Variants in PUDP observed in about 807,000 individuals in gnomAD.
PUDP encodes pseudouridine 5'-phosphatase.
Under a neutral mutation model 9.4 loss-of-function variants are expected in PUDP, and 8 were observed. The observed-to-expected ratio is 0.85, with a 90% CI of 0.50 to 1.53. The LOEUF is 1.53. Among genes scored for constraint, PUDP ranks in the 40% most tolerant of loss-of-function variants. The probability of loss-of-function intolerance (pLI) is 0.00; values close to 1 mark genes in which losing one functional copy is unlikely to be tolerated. For missense variants in PUDP, 188 were observed against 189.7 expected (o/e 0.99, Z 0.05); for synonymous variants, 99 against 80.7 (o/e 1.23, Z -1.22).
chrX:6,796,722 G>C (rs1925849420), intron 3 of PUDP, among the ~76,000 whole-genome samples: 1 of 112,055 alleles, frequency 8.9e-6, no homozygotes, highest in South Asian at 3.7e-4. Flanking sequence ...GAGAAAGAGT[G>C]AGAAACAGAG....
chrX:7,085,832 C>T (rs1931246715), intron 2 of PUDP, among the ~76,000 whole-genome samples: 2 of 111,608 alleles, frequency 1.8e-5, no homozygotes, highest in African/African-American at 3.3e-5. Context: ...ACAAGGCCCC[C>T]ACACTGGCCT....
At chrX:6,922,136 G>C (rs1004102740) in intron 3 of PUDP, among the ~76,000 whole-genome samples, 1 of 110,636 alleles carries the variant, frequency 9.0e-6, no homozygotes, top group Admixed American at 9.7e-5. Flanking sequence ...GGGCAAGTGG[G>C]GATGGTTAAT....
chrX:6,835,804 C>T (rs1367708390), intron 3 of PUDP, among the ~76,000 whole-genome samples: 2 of 111,179 alleles, frequency 1.8e-5, no homozygotes, highest in Non-Finnish European at 3.8e-5. Flanking sequence ...ACTTCACCTC[C>T]CGAGTTCATG....
intron 3 of PUDP, among the ~76,000 whole-genome samples, chrX:7,076,338 C>A (rs1930900807): frequency 9.0e-6 from 1 of 111,597 alleles, no homozygotes; most frequent in African/African-American, 3.3e-5. Context: ...TGCAGGAACC[C>A]AGGGGAAGCA....
At chrX:6,956,240 G>A (rs921218283) in intron 3 of PUDP, among the ~76,000 whole-genome samples, 4 of 110,924 alleles carry the variant, frequency 3.6e-5, no homozygotes, top group East Asian at 2.8e-4. Flanking sequence ...TAGTAGAGAC[G>A]GGGTTTCACT....
intron 2 of PUDP, among the ~76,000 whole-genome samples, chrX:7,090,267 A>G (rs1016461105): frequency 7.2e-5 from 8 of 111,252 alleles, no homozygotes; most frequent in African/African-American, 2.3e-4. Context: ...ATAAGGGTTT[A>G]TTAATGTTTA....
At chrX:6,876,644 T>TGTGTGTGG (rs1927260187) in intron 3 of PUDP, among the ~76,000 whole-genome samples, 1 of 91,133 alleles carries the variant, frequency 1.1e-5, no homozygotes, top group East Asian at 3.1e-4. Flanking sequence ...ATGTTATGTG[T>TGTGTGTGG]GTGTGTGTGT....
chrX:6,969,207 G>A (rs1038427570), intron 3 of PUDP, among the ~76,000 whole-genome samples: 17 of 112,190 alleles, frequency 1.5e-4, no homozygotes, highest in African/African-American at 5.5e-4. Flanking sequence ...GACAAACCTT[G>A]CTACCCACAT....
chrX:7,017,972 T>A (rs1366387375), intron 1 of PUDP, among the ~76,000 whole-genome samples: 1 of 111,560 alleles, frequency 9.0e-6, no homozygotes, highest in African/African-American at 3.3e-5. Context: ...AAAACCAAGA[T>A]GGCCACAAGA....
In PUDP at chrX:7,032,952, A is replaced by G. The variant is rs773228471; in HGVS notation, c.204+44268T>C. On this transcript the variant is annotated intron_variant and NMD_transcript_variant, in intron 1 of 3. Coordinates refer to the PUDP transcript ENST00000655425. ...TGCTCCTGGGTGTGTCTATGAGGGTATTGTCAAAGGAGATTAATATTTGAG... is the reference window on the plus strand; with the variant it reads ...TGCTCCTGGGTGTGTCTATGAGGGTGTTGTCAAAGGAGATTAATATTTGAG... 2.7e-5 allele frequency among the ~76,000 whole-genome samples: 3 copies of G among 111,882 alleles called. No homozygotes were observed. In the South Asian group the frequency reaches 1.1e-3, roughly 42 times the overall value.
At chrX:7,067,786 T>C (rs762406258) in intron 3 of PUDP, among the ~76,000 whole-genome samples, 4 of 111,151 alleles carry the variant, frequency 3.6e-5, no homozygotes, top group Non-Finnish European at 7.6e-5. Flanking sequence ...TCATCTTGAA[T>C]TGTAGCTCCC....
chrX:6,902,346 C>G lies in PUDP; in HGVS notation c.*247+74787G>C, dbSNP rs1422343765. ...AGGCTTGACCTTGGCACTATTAACA[C>G]TTTGGGCTGGGCAATTCCTGGTGGA... On this transcript the variant is annotated intron_variant and NMD_transcript_variant, in intron 3 of 3. Coordinates refer to the PUDP transcript ENST00000655425. Among the ~76,000 whole-genome samples, 4 of 112,063 alleles carry G rather than the reference C, an allele frequency of 3.6e-5. No homozygotes were observed. In the Admixed American group the frequency reaches 3.8e-4, roughly 11 times the overall value.
intron 1 of PUDP, among the ~76,000 whole-genome samples, chrX:6,991,668 C>A (rs1300182046): frequency 2.1e-5 from 2 of 93,530 alleles, no homozygotes; most frequent in East Asian, 3.3e-4. Flanking sequence ...GAGAGTAAGA[C>A]CTTGTCTCAA....
chrX:7,105,489 G>C lies in PUDP; in HGVS notation c.280+131C>G, dbSNP rs191567069. ...AGCCAAACTCTTTCAGGAGCACCAG[G>C]AGGGACTTAGTTTAGATACTGAAGA... On this transcript the variant is annotated intron_variant, in intron 2 of 3. Transcript: ENST00000381077. The C allele has an allele frequency of 3.1e-5, 14 of 451,592 alleles. No homozygotes were observed. The East Asian group carries it at 5.0e-4, about 16-fold the overall frequency. The allele number at this position is 451,592 out of a possible 1,213,427, so 37.2% of individuals were successfully genotyped here.
intron 3 of PUDP, among the ~76,000 whole-genome samples, chrX:6,830,204 C>T (rs1275727601): frequency 9.1e-6 from 1 of 110,324 alleles, no homozygotes; most frequent in Admixed American, 9.7e-5. Context: ...AGTGAAAAAG[C>T]AACACGGATC....
chrX:6,923,659 T>C (rs1361103085), intron 3 of PUDP, among the ~76,000 whole-genome samples: 2 of 111,386 alleles, frequency 1.8e-5, no homozygotes, highest in Non-Finnish European at 3.8e-5. Flanking sequence ...GCCAGCACCA[T>C]GGCTTCCTTG....
At chrX:7,115,846 T>C (rs1217306473) in intron 1 of PUDP, among the ~76,000 whole-genome samples, 1 of 112,443 alleles carries the variant, frequency 8.9e-6, no homozygotes, top group Non-Finnish European at 1.9e-5. Context: ...GGCCTAAGCC[T>C]GCAGTGAGGA....
chrX:6,791,594 A>G (rs1192748355), intron 3 of PUDP, among the ~76,000 whole-genome samples: 1 of 106,415 alleles, frequency 9.4e-6, no homozygotes, highest in East Asian at 3.0e-4. Context: ...GACTCTATCA[A>G]CTTTTCTGCT....
In PUDP at chrX:7,105,263, C is replaced by T. The variant is rs748943884; in HGVS notation, c.280+357G>A. On this transcript the variant is annotated intron_variant, in intron 2 of 3. Transcript: ENST00000381077. ...TTGAATAGTTGCTGAAATATTAATC[C>T]TATATCTGATTTTGAAAAGAAAAAG... Among the ~76,000 whole-genome samples the T allele has an allele frequency of 1.8e-3, 198 of 108,796 alleles. 2 individuals carry two copies. Among genetic ancestry groups the T allele is most frequent in the South Asian group, 2.8e-3 (7 of 2,521 alleles). 94.5% of individuals were successfully genotyped at this position (108,796 alleles called of 115,157 possible). A position where few individuals can be genotyped will look rare whatever the true frequency, so the allele number is the denominator to read the frequency against.
Sources: allele counts gnomAD v4.1 joint callset (sites outside exome capture counted in the v4.1 genomes callset), GRCh38; gene constraint gnomAD v4.1.1; transcripts MANE v1.5; gene names NCBI Gene and HGNC (gene_info 2026-07-23, HGNC 2026-07-21).